The following FHIT variants were observed in gnomAD, a reference collection of about 807,000 sequenced individuals.
FHIT encodes the protein fragile histidine triad diadenosine triphosphatase.
FHIT carries 19 observed loss-of-function variants against 17.9 expected under a neutral mutation model. The ratio of observed to expected loss-of-function variants is 1.06; its 90% CI spans 0.74 to 1.56. FHIT has a LOEUF of 1.56. FHIT is among the 40% of genes most tolerant of loss of function. The pLI, the probability that FHIT is intolerant of heterozygous loss-of-function variation, is 0.00. For missense variants in FHIT, 248 were observed against 189.2 expected, an observed-to-expected ratio of 1.31 and a Z score of -1.82; for synonymous variants, 81 against 69.7, an observed-to-expected ratio of 1.16 and a Z score of -0.81.
At position 60,508,466 on chromosome 3, in the gene FHIT, A is replaced by G. The variant is rs116563949; in HGVS notation, c.103+28394T>C. Among the ~76,000 whole-genome samples the G allele has an allele frequency of 7.9e-3, 1,209 of 152,250 alleles. 22 individuals carry two copies. The highest frequency in any genetic ancestry group is 0.028 in the African/African-American group (1,156 of 41,544). The stretch of plus-strand genomic sequence containing the variant: ...CAGGTGGAAACTGTTATTACTGAAT[A>G]ATGGTGTGAGCATAAATGATGTTTG... On this transcript the variant is annotated intron_variant, in intron 5 of 9. Coordinates refer to ENST00000492590, the MANE Select transcript of FHIT (RefSeq NM_002012.4).
intron 7 of FHIT, 55 bp downstream of exon 7, chr3:60,011,316 T>C: frequency 3.2e-6 from 5 of 1,550,324 alleles, no homozygotes; most frequent in Non-Finnish European, 4.5e-6. Context: ...TGTGATTTTT[T>C]ATTAGTTCTC....
chr3:60,546,375 T>C (rs2036364281), intron 4 of FHIT, among the ~76,000 whole-genome samples: 1 of 152,224 alleles, frequency 6.6e-6, no homozygotes, highest in Non-Finnish European at 1.5e-5. Context: ...GCTTAGTGTT[T>C]AAAAGCAGAT....
chr3:60,886,410 T>C (rs545007556), intron 3 of FHIT, among the ~76,000 whole-genome samples: 1 of 152,340 alleles, frequency 6.6e-6, no homozygotes, highest in African/African-American at 2.4e-5. Flanking sequence ...ATAATTAATA[T>C]GTCATTATCA....
At chr3:60,962,037 G>A (rs868921608) in intron 3 of FHIT, among the ~76,000 whole-genome samples, 2 of 152,100 alleles carry the variant, frequency 1.3e-5, no homozygotes, top group Admixed American at 6.6e-5. Context: ...CCATTTTCAC[G>A]ATATTGATTC....
chr3:60,524,517 A>C (rs571372635), intron 5 of FHIT, among the ~76,000 whole-genome samples: 1 of 152,284 alleles, frequency 6.6e-6, no homozygotes, highest in African/African-American at 2.4e-5. Flanking sequence ...GTTGGATCTG[A>C]GCGAATGTGG....
intron 5 of FHIT, among the ~76,000 whole-genome samples, chr3:60,437,878 G>C (rs552393794): frequency 9.3e-5 from 14 of 150,458 alleles, no homozygotes; most frequent in Admixed American, 4.0e-4. Flanking sequence ...CCAAAATCAT[G>C]ACTAGTCACT....
At chr3:59,767,054 G>A (rs370794507) in intron 8 of FHIT, among the ~76,000 whole-genome samples, 1 of 152,088 alleles carries the variant, frequency 6.6e-6, no homozygotes, top group Non-Finnish European at 1.5e-5. Context: ...AAACAACCCC[G>A]ATTAACTGTT....
At chr3:60,096,703 C>T (rs1254577374) in intron 5 of FHIT, among the ~76,000 whole-genome samples, 2 of 152,140 alleles carry the variant, frequency 1.3e-5, no homozygotes, top group Non-Finnish European at 2.9e-5. Context: ...GTTTCCTTTC[C>T]TTCTCCCCAG....
intron 7 of FHIT, among the ~76,000 whole-genome samples, chr3:59,995,630 C>T (rs760644518): frequency 7.2e-5 from 11 of 152,082 alleles, no homozygotes; most frequent in Non-Finnish European, 1.3e-4. Flanking sequence ...TAACATAATG[C>T]TCCTTGATGG....
intron 8 of FHIT, among the ~76,000 whole-genome samples, chr3:59,844,935 C>T (rs542790234): frequency 8.2e-4 from 125 of 152,166 alleles, no homozygotes; most frequent in African/African-American, 2.7e-3. Context: ...TGGGGCTTCC[C>T]TTTGCTAGGA....
At chr3:60,853,988 C>T (rs1559772473) in intron 3 of FHIT, among the ~76,000 whole-genome samples, 1 of 151,966 alleles carries the variant, frequency 6.6e-6, no homozygotes, top group South Asian at 2.1e-4. Context: ...TGTGAAAAAC[C>T]GTAAACACCA....
intron 3 of FHIT, among the ~76,000 whole-genome samples, chr3:60,964,839 C>T (rs1322056026): frequency 6.6e-6 from 1 of 152,102 alleles, no homozygotes; most frequent in Non-Finnish European, 1.5e-5. Flanking sequence ...GGTAACCTGA[C>T]CTTTCTCTCT....
intron 4 of FHIT, among the ~76,000 whole-genome samples, chr3:60,632,965 G>A (rs190671098): frequency 3.9e-5 from 6 of 152,278 alleles, no homozygotes; most frequent in East Asian, 3.9e-4. Flanking sequence ...TCCTTCAGAG[G>A]TAGGTATCTT....
chr3:60,615,735 G>A (rs1201185674), intron 4 of FHIT, among the ~76,000 whole-genome samples: 2 of 152,198 alleles, frequency 1.3e-5, no homozygotes, highest in Non-Finnish European at 2.9e-5. Context: ...TTGTAATCCA[G>A]TAGGAGAAAA....
chr3:60,228,717 C>T (rs1440452925), intron 5 of FHIT, among the ~76,000 whole-genome samples: 1 of 152,102 alleles, frequency 6.6e-6, no homozygotes. Flanking sequence ...AATATTCTTA[C>T]GAGACCCTTG....
rs370855848 is a variant in FHIT at position 60,169,550 on chromosome 3, T to C, written c.104-155398A>G. Among the ~76,000 whole-genome samples, 10 of 152,282 alleles carry C rather than the reference T, an allele frequency of 6.6e-5. No individual in the cohort carries two copies. The East Asian group carries it at 1.3e-3, about 21-fold the overall frequency. ...AAGTGAAATAATCTTTGCAACTCCA[T>C]AGAGAAACAGAAAACTATTAAGGCC... On this transcript the variant is annotated intron_variant, in intron 5 of 9. Coordinates refer to ENST00000492590, the MANE Select transcript of FHIT (RefSeq NM_002012.4).
At chr3:59,990,643 T>C (rs368036975) in intron 7 of FHIT, among the ~76,000 whole-genome samples, 2 of 152,122 alleles carry the variant, frequency 1.3e-5, no homozygotes, top group African/African-American at 4.8e-5. Flanking sequence ...GAAGAAATAA[T>C]TAATAATAAT....
intron 2 of FHIT, among the ~76,000 whole-genome samples, chr3:61,101,254 G>T (rs910905940): frequency 6.6e-6 from 1 of 152,148 alleles, no homozygotes; most frequent in African/African-American, 2.4e-5. Flanking sequence ...GTAAGGAAGG[G>T]ATCCAGTTTC....
chr3:61,095,241 G>A (rs1308323346), intron 2 of FHIT, among the ~76,000 whole-genome samples: 1 of 152,142 alleles, frequency 6.6e-6, no homozygotes, highest in African/African-American at 2.4e-5. Context: ...GTTGAAAAGT[G>A]GACAGAAGTA....
Sources: allele counts gnomAD v4.1 joint callset (sites outside exome capture counted in the v4.1 genomes callset), GRCh38; gene constraint gnomAD v4.1.1; transcripts MANE v1.5; gene names NCBI Gene and HGNC (gene_info 2026-07-23, HGNC 2026-07-21).